UBXN10: variants seen among roughly 807,000 people sequenced by gnomAD.
UBXN10 encodes the protein UBX domain-containing protein 10.
Under a neutral mutation model 6.9 loss-of-function variants are expected in UBXN10, and 6 were observed. The ratio of observed to expected loss-of-function variants is 0.87; its 90% CI spans 0.48 to 1.72. The LOEUF (loss-of-function observed/expected upper bound fraction) is 1.72. Among genes scored for constraint, UBXN10 ranks in the 40% most tolerant of loss-of-function variants. The pLI, the probability that UBXN10 is intolerant of heterozygous loss-of-function variation, is 0.01. For synonymous variants in UBXN10, 131 were observed against 135.2 expected, an observed-to-expected ratio of 0.97 and a Z score of 0.21; for missense variants, 317 against 348.4, an observed-to-expected ratio of 0.91 and a Z score of 0.72.
rs41307769 is a variant in UBXN10 at position 20,191,472 on chromosome 1, T to C, written c.*68T>C. 0.03 allele frequency: 46,616 copies of C among 1,538,144 alleles called. 1,138 individuals carry two copies. The highest frequency in any genetic ancestry group is 0.12 in the African/African-American group (8,520 of 72,604). ...GAGCATGCTTGGGCGTTGTGGCCTC[T>C]TAGGCAGCCTGTTTCAAGTGCCATG... On this transcript the variant is annotated 3_prime_UTR_variant, in exon 2 of 2. Transcript: ENST00000375099. The surrounding 1 kb of genome is among the most constrained non-coding windows in gnomAD (Gnocchi z 4.5).
chr1:20,189,249 G>A (rs999711324), intron 1 of UBXN10, among the ~76,000 whole-genome samples: 1 of 151,950 alleles, frequency 6.6e-6, no homozygotes, highest in South Asian at 2.1e-4. Context: ...GTCTTTAGAA[G>A]GCTAGGAGAG....
In UBXN10 at chr1:20,193,685, G is replaced by A. The variant is rs931460742; in HGVS notation, c.*2281G>A. The A allele has an allele frequency of 4.8e-5, 8 of 167,082 alleles. No individual in the cohort carries two copies. The highest frequency in any genetic ancestry group is 1.9e-4 in the African/African-American group (8 of 41,438). The allele number at this position is 167,082 out of a possible 1,614,324, so 10.3% of individuals were successfully genotyped here. A position where few individuals can be genotyped will look rare whatever the true frequency, so the allele number is the denominator to read the frequency against. On this transcript the variant is annotated 3_prime_UTR_variant, in exon 2 of 2. Transcript: ENST00000375099. ...CACTTCTGATGCCCACTGCAGAAGC[G>A]ACGGGGCTCCTGCTCTCAGCTTCTG...
intron 1 of UBXN10, among the ~76,000 whole-genome samples, chr1:20,190,228 C>T (rs1482189211): frequency 6.6e-6 from 1 of 152,116 alleles, no homozygotes; most frequent in Non-Finnish European, 1.5e-5. Context: ...AGTCCCCCAC[C>T]TTAATCACGC....
chr1:20,184,730 A>G (rs1316005597), upstream of UBXN10: 3 of 152,392 alleles, frequency 2.0e-5, no homozygotes, highest in Non-Finnish European at 2.9e-5. Context: ...GGAAGTTTCC[A>G]TATGATGGCT....
chr1:20,196,040 GT>G lies in UBXN10; in HGVS notation c.*4639del, dbSNP rs1272151851. On this transcript the variant is annotated 3_prime_UTR_variant, in exon 2 of 2. Transcript: ENST00000375099. ...TGGGGCTTAATTAATAAAGCTCCTA[GT>G]TTCATAGTTTTCATGCTCACCTCGT... 1 of 163,092 alleles carries G rather than the reference GT, an allele frequency of 6.1e-6. No homozygotes were observed. The highest frequency in any genetic ancestry group is 1.5e-5 in the Non-Finnish European group (1 of 68,114). 10.1% of individuals were successfully genotyped at this position (163,092 alleles called of 1,614,324 possible).
chr1:20,185,451 C>G (rs911802807), upstream of UBXN10, among the ~76,000 whole-genome samples: 1 of 152,058 alleles, frequency 6.6e-6, no homozygotes, highest in Non-Finnish European at 1.5e-5. Context: ...GACAGGAAAC[C>G]CAAAGATGGT....
chr1:20,192,791 A>G lies in UBXN10; in HGVS notation c.*1387A>G, dbSNP rs946349666. ...AGAAGCATATACATGTGGCTACCCC[A>G]GCAACAAGCGCATCCTGTGCTCAGA... is the stretch of plus-strand genomic sequence containing the variant. On this transcript the variant is annotated 3_prime_UTR_variant, in exon 2 of 2. Coordinates refer to ENST00000375099, the MANE Select transcript of UBXN10 (RefSeq NM_152376.5). 2.4e-5 allele frequency: 4 copies of G among 167,090 alleles called. No individual in the cohort carries two copies. The Admixed American group carries it at 2.6e-4, about 11-fold the overall frequency. 10.4% of individuals were successfully genotyped at this position (167,090 alleles called of 1,614,324 possible).
In UBXN10 at chr1:20,190,993, T is replaced by C; in HGVS notation, c.432T>C (p.Ser144=). 1 of 1,614,158 alleles carries C rather than the reference T, an allele frequency of 6.2e-7. No homozygotes were observed. The highest frequency in any genetic ancestry group is 8.5e-7 in the Non-Finnish European group (1 of 1,180,040). ...AKKASSLQLS[S]IRALYQDETG... ...AGGCCAGCTCACTGCAACTGAGCAG[T>C]ATCCGGGCTCTTTACCAAGACGAGA... The change falls in exon 2 of 2, where the codon AGT becomes AGC. Residue 144 remains serine, a synonymous_variant. Transcript: ENST00000375099.
In UBXN10 at chr1:20,191,536, G is replaced by A; in HGVS notation, c.*132G>A. ...GCTGGGAAGCTTGGGACTCTCGTCTGCACTGCGTGTCCTCTGAAGCAGTGA... is the reference window on the plus strand; with the variant it reads ...GCTGGGAAGCTTGGGACTCTCGTCTACACTGCGTGTCCTCTGAAGCAGTGA... On this transcript the variant is annotated 3_prime_UTR_variant, in exon 2 of 2. Coordinates refer to ENST00000375099, the MANE Select transcript of UBXN10 (RefSeq NM_152376.5). The surrounding 1 kb of genome is among the most constrained non-coding windows in gnomAD (Gnocchi z 4.5). The A allele has an allele frequency of 7.3e-7, 1 of 1,376,152 alleles. No individual in the cohort carries two copies. Among genetic ancestry groups the A allele is most frequent in the Non-Finnish European group, 9.8e-7 (1 of 1,016,960 alleles). The allele number at this position is 1,376,152 out of a possible 1,614,324, so 85.2% of individuals were successfully genotyped here.
chr1:20,191,139 C>CGGACCAA lies in UBXN10; in HGVS notation c.580_586dup (p.Glu196GlyfsTer11). ...AGGGCTGGAAATCTGGAGGAACCAT[C>CGGACCAA]GGACCAAGAACCAAGGTTGCTGCTT... On this transcript the variant is annotated frameshift_variant, in exon 2 of 2. Coordinates refer to ENST00000375099, the MANE Select transcript of UBXN10 (RefSeq NM_152376.5). LOFTEE classifies it high-confidence loss of function. This position sits in a 1 kb window ranked among gnomAD's most constrained non-coding sequence, Gnocchi z 4.5. 1 of 1,614,168 alleles carries CGGACCAA rather than the reference C, an allele frequency of 6.2e-7. No individual in the cohort carries two copies. The highest frequency in any genetic ancestry group is 8.5e-7 in the Non-Finnish European group (1 of 1,180,038).
At position 20,191,495 on chromosome 1, in the gene UBXN10, A is replaced by G; in HGVS notation, c.*91A>G. On this transcript the variant is annotated 3_prime_UTR_variant, in exon 2 of 2. Transcript: ENST00000375099. The surrounding 1 kb of genome is among the most constrained non-coding windows in gnomAD (Gnocchi z 4.5). ...TCTTAGGCAGCCTGTTTCAAGTGCC[A>G]TGTGGACCTGGTGCAGCTGGGAAGC... 1 of 1,524,006 alleles carries G rather than the reference A, an allele frequency of 6.6e-7. No individual in the cohort carries two copies. 94.4% of individuals were successfully genotyped at this position (1,524,006 alleles called of 1,614,324 possible).
At position 20,193,502 on chromosome 1, in the gene UBXN10, T is replaced by C. The variant is rs2018546091; in HGVS notation, c.*2098T>C. The stretch of plus-strand genomic sequence containing the variant: ...AAAGATGATACGATAAAAACCAACT[T>C]GTGTGAAACTGAGTCAGTGGAGAAG... On this transcript the variant is annotated 3_prime_UTR_variant, in exon 2 of 2. Coordinates refer to ENST00000375099, the MANE Select transcript of UBXN10 (RefSeq NM_152376.5). The C allele has an allele frequency of 1.2e-5, 2 of 167,054 alleles. No homozygotes were observed. The highest frequency in any genetic ancestry group is 6.5e-5 in the Admixed American group (1 of 15,282). The allele number at this position is 167,054 out of a possible 1,614,324, so 10.3% of individuals were successfully genotyped here.
In UBXN10 at chr1:20,191,464, G is replaced by A. The variant is rs1441572072; in HGVS notation, c.*60G>A. 10 of 1,551,832 alleles carry A rather than the reference G, an allele frequency of 6.4e-6. No individual in the cohort carries two copies. The highest frequency in any genetic ancestry group is 8.7e-6 in the Non-Finnish European group (10 of 1,150,024). On this transcript the variant is annotated 3_prime_UTR_variant, in exon 2 of 2. Transcript: ENST00000375099. This position sits in a 1 kb window ranked among gnomAD's most constrained non-coding sequence, Gnocchi z 4.5. ...GAGCAAAGGAGCATGCTTGGGCGTTGTGGCCTCTTAGGCAGCCTGTTTCAA... is the reference window on the plus strand; with the variant it reads ...GAGCAAAGGAGCATGCTTGGGCGTTATGGCCTCTTAGGCAGCCTGTTTCAA...
Position 20,190,680 on chromosome 1 carries a change from A to G in UBXN10, c.119A>G (p.Lys40Arg), listed in dbSNP as rs191933932. 35 of 1,614,214 alleles carry G rather than the reference A, an allele frequency of 2.2e-5. No homozygotes were observed. The South Asian group carries it at 2.7e-4, about 13-fold the overall frequency. The change falls in exon 2 of 2, where the codon AAG becomes AGG. Residue 40 changes from lysine (K) to arginine (R), a missense_variant. By Grantham distance (26) the Lys-to-Arg change is conservative. Transcript: ENST00000375099. Reference sequence around the variant, plus strand: ...CTAAATATGCACATGATAAGGCCCAAGTCCGCCAAGGGACGGACAAGACCG... The same window carrying G: ...CTAAATATGCACATGATAAGGCCCAGGTCCGCCAAGGGACGGACAAGACCG... ...NSLNMHMIRP[K>R]SAKGRTRPSL...
upstream of UBXN10, among the ~76,000 whole-genome samples, chr1:20,183,885 T>G (rs972052008): frequency 4.6e-5 from 7 of 152,154 alleles, no homozygotes; most frequent in Non-Finnish European, 2.9e-5. Flanking sequence ...AGTCCACATT[T>G]CAGCTGGCAG....
chr1:20,184,340 G>A (rs1418160573), upstream of UBXN10: 2 of 152,260 alleles, frequency 1.3e-5, no homozygotes, highest in Non-Finnish European at 2.9e-5. Context: ...AAGGGCTGAA[G>A]AGCATCGCTA....
rs762183356 is a variant in UBXN10, at chr1:20,190,930, G to A, written c.369G>A (p.Lys123=). 1.2e-6 allele frequency: 2 copies of A among 1,614,010 alleles called. No homozygotes were observed. The highest frequency in any genetic ancestry group is 4.5e-5 in the East Asian group (2 of 44,886). ...CAGTCCTTCCTTCCATCAACAGAAA[G>A]AACCTGGAGGAGGAGGCTGTGGAAA... ...KYPVLPSINR[K]NLEEEAVETV... Residue 123 remains lysine, a synonymous_variant, in exon 2 of 2, where the codon AAG becomes AAA. Coordinates refer to ENST00000375099, the MANE Select transcript of UBXN10 (RefSeq NM_152376.5).
chr1:20,186,254 G>C (rs1233081669), intron 1 of UBXN10, 101 bp downstream of exon 1: 1 of 152,270 alleles, frequency 6.6e-6, no homozygotes, highest in Non-Finnish European at 1.5e-5. Flanking sequence ...CATCACCCGG[G>C]AGGGCCTCCC....
chr1:20,189,911 A>G (rs1215685211), intron 1 of UBXN10, among the ~76,000 whole-genome samples: 3 of 152,130 alleles, frequency 2.0e-5, no homozygotes, highest in Non-Finnish European at 4.4e-5. Flanking sequence ...CCATTGGGAA[A>G]TCACTCTACC....
Sources: gnomAD v4.1 joint callset for allele counts (sites outside exome capture counted in the v4.1 genomes callset) on GRCh38, gnomAD v4.1.1 for gene constraint, Gnocchi (gnomAD v3.1) non-coding constraint, MANE v1.5 for transcripts, NCBI Gene and HGNC (gene_info 2026-07-23, HGNC 2026-07-21) for gene names.